Variants in ERICH5 observed in about 807,000 individuals in gnomAD.
ERICH5 encodes the protein glutamate-rich protein 5.
ERICH5 carries 24 observed loss-of-function variants against 28.0 expected under a neutral mutation model. The ratio of observed to expected loss-of-function variants is 0.86; its 90% CI spans 0.62 to 1.21. ERICH5 has a LOEUF of 1.21. Among genes scored for constraint, ERICH5 ranks in the 50% most tolerant of loss-of-function variants. ERICH5 has a pLI of 0.00. For missense variants in ERICH5, 421 were observed against 441.2 expected, an observed-to-expected ratio of 0.95 and a Z score of 0.41; for synonymous variants, 163 against 157.6, an observed-to-expected ratio of 1.03 and a Z score of -0.25.
At chr8:98,085,009 A>G (rs533776953) in intron 1 of ERICH5, among the ~76,000 whole-genome samples, 75 of 151,978 alleles carry the variant, frequency 4.9e-4, no homozygotes, top group Non-Finnish European at 8.4e-4. Flanking sequence ...ATTATATGCT[A>G]TGTAATCTTT....
rs1815438005 is a variant in ERICH5, at chr8:98,093,174, A to G, written c.1013-47A>G. 3.0e-6 allele frequency: 4 copies of G among 1,332,642 alleles called. No homozygotes were observed. In the East Asian group the frequency reaches 9.2e-5, roughly 31 times the overall value. 82.6% of individuals were successfully genotyped at this position (1,332,642 alleles called of 1,614,324 possible). A position where few individuals can be genotyped will look rare whatever the true frequency, so the allele number is the denominator to read the frequency against. ...GACAAACTGTGGGATAATTTATGTT[A>G]ATTCTAAATAAATGTCTCTTAGTAT... On this transcript the variant is annotated intron_variant, in intron 2 of 2. Transcript: ENST00000318528.
Position 98,075,802 on chromosome 8 carries a change from T to TTTTTTTTTTTTTTTTTTG in ERICH5, c.58+11077_58+11078insTTTTTTTTTTTTTTTGTT, listed in dbSNP as rs1429269520. ...ACACCTGCCTTTTTTTTTTTTTTTT[T>TTTTTTTTTTTTTTTTTTG]TTGAGACAGGGTGTTGCTATGTTGC... is the stretch of plus-strand genomic sequence containing the variant. On this transcript the variant is annotated intron_variant, in intron 1 of 2. Coordinates refer to ENST00000318528, the MANE Select transcript of ERICH5 (RefSeq NM_173549.3). 1.4e-5 allele frequency among the ~76,000 whole-genome samples: 2 copies of TTTTTTTTTTTTTTTTTTG among 148,132 alleles called. 1 individual carries two copies. Among genetic ancestry groups the TTTTTTTTTTTTTTTTTTG allele is most frequent in the Non-Finnish European group, 3.0e-5 (2 of 67,012 alleles).
Position 98,089,434 on chromosome 8 carries a change from G to C in ERICH5, c.417G>C (p.Glu139Asp), listed in dbSNP as rs1328638885. The C allele has an allele frequency of 6.2e-7, 1 of 1,614,226 alleles. No individual in the cohort carries two copies. The highest frequency in any genetic ancestry group is 8.5e-7 in the Non-Finnish European group (1 of 1,180,044). ...AGAAAGATGCAGGAGCAGGGACAGA[G>C]GCCGAGTCTCTAAAAGGAAATGCTG... ...GKKKDAGAGT[E>D]AESLKGNAEA... The change falls in exon 2 of 3, where the codon GAG becomes GAC. Residue 139 changes from glutamate (E) to aspartate (D), a missense_variant. Physicochemically the swap from Glu to Asp is conservative, Grantham distance 45. Coordinates refer to ENST00000318528, the MANE Select transcript of ERICH5 (RefSeq NM_173549.3).
intron 2 of ERICH5, among the ~76,000 whole-genome samples, chr8:98,090,914 C>A (rs917108025): frequency 1.3e-5 from 2 of 151,748 alleles, no homozygotes; most frequent in African/African-American, 4.8e-5. Flanking sequence ...TTGTTTAATT[C>A]TTTCATTTAT....
chr8:98,093,100 A>C, intron 2 of ERICH5, 121 bp from the exon 3 acceptor site: 9 of 621,842 alleles, frequency 1.4e-5, no homozygotes, highest in East Asian at 2.8e-5. Context: ...TGATACCCCC[A>C]GAGAAACTTA....
At chr8:98,088,521 A>G (rs1815320296) in intron 1 of ERICH5, among the ~76,000 whole-genome samples, 1 of 152,152 alleles carries the variant, frequency 6.6e-6, no homozygotes, top group Non-Finnish European at 1.5e-5. Flanking sequence ...TTCCCTTCCC[A>G]GACATCTTAG....
chr8:98,066,345 G>C (rs924511339), intron 1 of ERICH5, among the ~76,000 whole-genome samples: 2 of 152,184 alleles, frequency 1.3e-5, no homozygotes, highest in African/African-American at 4.8e-5. Flanking sequence ...CTGTGCTTCA[G>C]TTATCCTAGG....
intron 1 of ERICH5, among the ~76,000 whole-genome samples, chr8:98,083,830 G>A (rs1815223688): frequency 6.6e-6 from 1 of 152,080 alleles, no homozygotes; most frequent in African/African-American, 2.4e-5. Context: ...CCCAGCCTGA[G>A]CAATTCATGT....
chr8:98,077,565 C>A (rs1196380631), intron 1 of ERICH5, among the ~76,000 whole-genome samples: 1 of 152,162 alleles, frequency 6.6e-6, no homozygotes, highest in Non-Finnish European at 1.5e-5. Flanking sequence ...AAAAGTATAT[C>A]TGAAGGAAAC....
At chr8:98,069,470 C>G (rs773271999) in intron 1 of ERICH5, among the ~76,000 whole-genome samples, 2 of 151,858 alleles carry the variant, frequency 1.3e-5, no homozygotes, top group Non-Finnish European at 2.9e-5. Context: ...ATGTAGTGTA[C>G]TATACCCACC....
At chr8:98,083,182 G>A (rs1363737286) in intron 1 of ERICH5, among the ~76,000 whole-genome samples, 1 of 152,136 alleles carries the variant, frequency 6.6e-6, no homozygotes, top group Non-Finnish European at 1.5e-5. Flanking sequence ...GGATGAAAAT[G>A]GTTTGTCTCA....
At position 98,089,268 on chromosome 8, in the gene ERICH5, T is replaced by C. The variant is rs1815338579; in HGVS notation, c.251T>C (p.Leu84Pro). Residue 84 changes from leucine to proline, a missense_variant, in exon 2 of 3, where the codon CTG becomes CCG. Physicochemically the swap from Leu to Pro is moderately conservative, Grantham distance 98. Coordinates refer to ENST00000318528, the MANE Select transcript of ERICH5 (RefSeq NM_173549.3). The stretch of plus-strand genomic sequence containing the variant: ...GTTAAACCCCTCCAAGAACAGCCCC[T>C]GGCCAAGGACGTAGCCCCTGGAAGG... Reference protein sequence around the residue: ...NGVKPLQEQPLAKDVAPGRDA... With the variant: ...NGVKPLQEQPPAKDVAPGRDA... 1 of 1,614,056 alleles carries C rather than the reference T, an allele frequency of 6.2e-7. No individual in the cohort carries two copies. The highest frequency in any genetic ancestry group is 1.3e-5 in the African/African-American group (1 of 74,912).
At position 98,089,607 on chromosome 8, in the gene ERICH5, T is replaced by C. The variant is rs1411536614; in HGVS notation, c.590T>C (p.Leu197Pro). The stretch of plus-strand genomic sequence containing the variant: ...GGAACAACTGAGAACGTTCTGACTC[T>C]GCAAATAGCTGGAGAGCTACAACCT... ...PLGTTENVLT[L>P]QIAGELQPQG... The change falls in exon 2 of 3, where the codon CTG (leucine) becomes CCG (proline). Residue 197 changes from leucine to proline, a missense_variant. By Grantham distance (98) the Leu-to-Pro change is moderately conservative. Transcript: ENST00000318528. The C allele has an allele frequency of 1.2e-6, 2 of 1,614,020 alleles. No homozygotes were observed. Among genetic ancestry groups the C allele is most frequent in the African/African-American group, 2.7e-5 (2 of 74,930 alleles).
At chr8:98,067,518 T>C (rs1408911135) in intron 1 of ERICH5, among the ~76,000 whole-genome samples, 1 of 152,058 alleles carries the variant, frequency 6.6e-6, no homozygotes, top group African/African-American at 2.4e-5. Flanking sequence ...TTAAATCTGT[T>C]TTTGCCTCAG....
In ERICH5 at chr8:98,066,930, G is replaced by A. The variant is rs553820550; in HGVS notation, c.58+2203G>A. 3.9e-5 allele frequency among the ~76,000 whole-genome samples: 6 copies of A among 152,280 alleles called. No individual in the cohort carries two copies. The South Asian group carries it at 1.2e-3, about 32-fold the overall frequency. On this transcript the variant is annotated intron_variant, in intron 1 of 2. Coordinates refer to ENST00000318528, the MANE Select transcript of ERICH5 (RefSeq NM_173549.3). ...CAAAAACAGTTCAAGTTTATTACAT[G>A]TCTGGTACATGCATTTATTCACTGT...
At chr8:98,087,011 G>A (rs1487783802) in intron 1 of ERICH5, among the ~76,000 whole-genome samples, 6 of 151,642 alleles carry the variant, frequency 4.0e-5, no homozygotes, top group African/African-American at 9.7e-5. Context: ...GGTGGTCAAG[G>A]AGAATAGGAA....
chr8:98,076,058 C>T (rs1037800966), intron 1 of ERICH5, among the ~76,000 whole-genome samples: 1 of 116,846 alleles, frequency 8.6e-6, no homozygotes, highest in East Asian at 2.6e-4. Context: ...CAAGCATTTA[C>T]GCTTTTTGTG....
chr8:98,079,737 A>T (rs1815139467), intron 1 of ERICH5, among the ~76,000 whole-genome samples: 1 of 152,034 alleles, frequency 6.6e-6, no homozygotes, highest in African/African-American at 2.4e-5. Flanking sequence ...ACGGGGTTTC[A>T]CCATGTTGGC....
chr8:98,071,903 A>G (rs1814925677), intron 1 of ERICH5, among the ~76,000 whole-genome samples: 1 of 133,832 alleles, frequency 7.5e-6, no homozygotes, highest in Non-Finnish European at 1.6e-5. Context: ...TTTATTTTTT[A>G]AGTTTTATTT....
Sources: allele counts gnomAD v4.1 joint callset (sites outside exome capture counted in the v4.1 genomes callset), GRCh38; gene constraint gnomAD v4.1.1; transcripts MANE v1.5; gene names NCBI Gene and HGNC (gene_info 2026-07-23, HGNC 2026-07-21).